MAGI1: variants seen among roughly 807,000 people sequenced by gnomAD.
The protein encoded by MAGI1 is membrane-associated guanylate kinase, WW and PDZ domain-containing protein 1.
MAGI1 carries 58 observed loss-of-function variants against 139.9 expected under a neutral mutation model. That is an observed-to-expected ratio of 0.41 (90% confidence interval 0.34 to 0.52). The LOEUF (loss-of-function observed/expected upper bound fraction) is 0.52, where lower values mean the gene tolerates loss of function less well. Among genes scored for constraint, MAGI1 ranks in the 20% least tolerant of loss-of-function variants. The pLI is 0.12. For missense variants in MAGI1, 1,874 were observed against 1,901.6 expected (o/e 0.99, Z 0.27); for synonymous variants, 812 against 737.9 (o/e 1.10, Z -1.63).
intron 1 of MAGI1, among the ~76,000 whole-genome samples, chr3:65,828,801 A>G (rs1401131724): frequency 6.6e-6 from 1 of 152,212 alleles, no homozygotes; most frequent in Non-Finnish European, 1.5e-5. Context: ...AAAAACTGAG[A>G]ACTTTTCCTG....
intron 1 of MAGI1, among the ~76,000 whole-genome samples, chr3:65,989,058 C>T (rs368581727): frequency 3.3e-5 from 5 of 152,278 alleles, no homozygotes; most frequent in African/African-American, 1.2e-4. Flanking sequence ...AAGGACAGAG[C>T]CAAGAACCTA....
chr3:65,952,801 G>A (rs34747878), intron 1 of MAGI1, among the ~76,000 whole-genome samples: 33,294 of 152,122 alleles, frequency 0.22, 4,817 homozygotes, highest in Non-Finnish European at 0.31. Context: ...GCGACAGAGC[G>A]AGACTTCATC....
intron 1 of MAGI1, among the ~76,000 whole-genome samples, chr3:65,913,070 G>A (rs546950182): frequency 5.9e-5 from 9 of 152,212 alleles, no homozygotes; most frequent in Non-Finnish European, 1.0e-4. Context: ...TCAGGAGTTC[G>A]AGACCAGCCT....
At chr3:65,365,944 T>A (rs1315463213) in intron 18 of MAGI1, among the ~76,000 whole-genome samples, 1 of 152,246 alleles carries the variant, frequency 6.6e-6, no homozygotes, top group Non-Finnish European at 1.5e-5. Flanking sequence ...CAACTACCTG[T>A]GGTCTATCTT....
At chr3:65,525,401 G>T (rs1477198358) in intron 2 of MAGI1, among the ~76,000 whole-genome samples, 1 of 152,160 alleles carries the variant, frequency 6.6e-6, no homozygotes, top group Non-Finnish European at 1.5e-5. Flanking sequence ...AATCTGCAGA[G>T]AAACAACTGA....
At position 65,760,044 on chromosome 3, in the gene MAGI1, T is replaced by C. The variant is rs148521938; in HGVS notation, c.314-137956A>G. On this transcript the variant is annotated intron_variant, in intron 1 of 22. Transcript: ENST00000402939. The stretch of plus-strand genomic sequence containing the variant: ...TAATAGAATTGTGTTGGAAGTCAAA[T>C]GGTATAATGCAGGTCAAACTCTCAA... 4.6e-5 allele frequency among the ~76,000 whole-genome samples: 7 copies of C among 152,190 alleles called. No individual in the cohort carries two copies. In the East Asian group the frequency reaches 1.2e-3, roughly 25 times the overall value.
chr3:65,604,406 CA>C (rs144019784), intron 2 of MAGI1, among the ~76,000 whole-genome samples: 3,021 of 152,026 alleles, frequency 0.02, 43 homozygotes, highest in Non-Finnish European at 0.028. Context: ...GAAAGGCAAG[CA>C]AAACAAAAGT....
At chr3:65,586,131 G>A (rs114797961) in intron 2 of MAGI1, among the ~76,000 whole-genome samples, 1 of 152,024 alleles carries the variant, frequency 6.6e-6, no homozygotes, top group Non-Finnish European at 1.5e-5. Context: ...TATCGCTTGA[G>A]CCCAGGAGGT....
intron 2 of MAGI1, among the ~76,000 whole-genome samples, chr3:65,577,807 T>C (rs2081239605): frequency 6.6e-6 from 1 of 152,178 alleles, no homozygotes; most frequent in Non-Finnish European, 1.5e-5. Context: ...GGGAGGCTTC[T>C]GGGAACTGAG....
chr3:65,447,897 A>G lies in MAGI1; in HGVS notation c.1078+125T>C. 4 of 1,112,274 alleles carry G rather than the reference A, an allele frequency of 3.6e-6. No homozygotes were observed. The South Asian group carries it at 5.0e-5, about 14-fold the overall frequency. The allele number at this position is 1,112,274 out of a possible 1,614,324, so 68.9% of individuals were successfully genotyped here. On this transcript the variant is annotated intron_variant, in intron 7 of 22. Coordinates refer to ENST00000402939, the MANE Select transcript of MAGI1 (RefSeq NM_001033057.2). ...ACTGACCTTTCCTGGATAAGCTAGA[A>G]TGAAAATCATAATTGGAGGAGTGCA...
chr3:65,360,761 C>T lies in MAGI1; in HGVS notation c.3634+438G>A, dbSNP rs1302242452. ...CCAAATCTCTCAAAATTTCATGCCT[C>T]TTAAATAAAGACACCAAGTAACCAA... On this transcript the variant is annotated intron_variant, in intron 22 of 22. Transcript: ENST00000402939. 4.9e-6 allele frequency: 5 copies of T among 1,011,084 alleles called. No homozygotes were observed. In the East Asian group the frequency reaches 2.9e-4, roughly 59 times the overall value. 62.6% of individuals were successfully genotyped at this position (1,011,084 alleles called of 1,614,324 possible).
intron 2 of MAGI1, among the ~76,000 whole-genome samples, chr3:65,606,872 G>A (rs1299957934): frequency 9.9e-5 from 15 of 151,932 alleles, no homozygotes; most frequent in Admixed American, 9.8e-4. Context: ...TGCTTAGGCT[G>A]GTCTCAAACT....
Position 65,812,699 on chromosome 3 carries a change from C to CTTTTTT in MAGI1, c.314-190617_314-190612dup, listed in dbSNP as rs539502538. Among the ~76,000 whole-genome samples, 34 of 72,908 alleles carry CTTTTTT rather than the reference C, an allele frequency of 4.7e-4. 2 individuals are homozygous for CTTTTTT. The highest frequency in any genetic ancestry group is 6.3e-4 in the Non-Finnish European group (26 of 40,976). 47.8% of individuals were successfully genotyped at this position (72,908 alleles called of 152,430 possible). Reference sequence around the variant, plus strand: ...AAACTGACTGGTTAAAGTTAGTTTACTTTTTTTTTTTTTTTTTTTTTTTTT... The same window carrying CTTTTTT: ...AAACTGACTGGTTAAAGTTAGTTTACTTTTTTTTTTTTTTTTTTTTTTTTTTTTTTT... On this transcript the variant is annotated intron_variant, in intron 1 of 22. Transcript: ENST00000402939.
At chr3:65,565,909 G>A (rs542051064) in intron 2 of MAGI1, among the ~76,000 whole-genome samples, 1 of 150,430 alleles carries the variant, frequency 6.6e-6, no homozygotes, top group East Asian at 2.0e-4. Context: ...CAGTGGATTT[G>A]GAGGAAGTCC....
chr3:65,885,490 T>C (rs1043976834), intron 1 of MAGI1, among the ~76,000 whole-genome samples: 2 of 152,092 alleles, frequency 1.3e-5, no homozygotes, highest in African/African-American at 4.8e-5. Context: ...GTGTGTGATA[T>C]GGTTTGGCTG....
intron 2 of MAGI1, among the ~76,000 whole-genome samples, chr3:65,583,786 G>T (rs1267184236): frequency 2.0e-5 from 3 of 152,060 alleles, no homozygotes; most frequent in Non-Finnish European, 4.4e-5. Context: ...AAATGAAGAA[G>T]AACTAAAGAA....
In MAGI1 at chr3:66,038,253, G is replaced by T. The variant is rs888247523; in HGVS notation, c.56C>A (p.Thr19Asn). The T allele has an allele frequency of 6.2e-6, 10 of 1,610,624 alleles. No homozygotes were observed. Among genetic ancestry groups the T allele is most frequent in the Non-Finnish European group, 8.5e-6 (10 of 1,178,898 alleles). Residue 19 changes from threonine (T) to asparagine (N), a missense_variant, in exon 1 of 23, where the codon ACC becomes AAC. By Grantham distance (65) the Thr-to-Asn change is moderately conservative (BLOSUM62 0). Around this residue, in one of 5 missense-constraint regions of MAGI1, gnomAD observed 648 missense variants for 598.1 expected, o/e 1.08. Transcript: ENST00000402939. ...NHWTSRVHEC[T>N]VKRGPQGELG... ...CTCGCCCTGGGGTCCCCGCTTCACG[G>T]TGCATTCGTGAACCCTGCTAGTCCA...
chr3:65,968,184 T>G (rs886309312), intron 1 of MAGI1, among the ~76,000 whole-genome samples: 4 of 152,238 alleles, frequency 2.6e-5, no homozygotes, highest in Non-Finnish European at 2.9e-5. Context: ...ATGATGCATC[T>G]TTTTGAAAGA....
chr3:66,022,862 ATACACTGTG>A (rs572054604), intron 1 of MAGI1, among the ~76,000 whole-genome samples: 123 of 152,322 alleles, frequency 8.1e-4, no homozygotes, highest in African/African-American at 2.8e-3. Context: ...CAGGTTTCAT[ATACACTGTG>A]GAGGAACTTA....
Sources: gnomAD v4.1 joint callset for allele counts (sites outside exome capture counted in the v4.1 genomes callset) on GRCh38, gnomAD v4.1.1 for gene constraint, gnomAD v4.1.1 regional missense constraint, MANE v1.5 for transcripts, NCBI Gene and HGNC (gene_info 2026-07-23, HGNC 2026-07-21) for gene names.